Variants in RPS6KC1 observed in about 807,000 individuals in gnomAD.
The protein encoded by RPS6KC1 is inactive ribosomal protein S6 kinase delta-1.
Under a neutral mutation model 103.8 loss-of-function variants are expected in RPS6KC1, and 54 were observed. That is an observed-to-expected ratio of 0.52 (90% CI 0.42 to 0.65). RPS6KC1 has a LOEUF of 0.65. Ranked by LOEUF, RPS6KC1 falls within the 30% of genes least tolerant of loss-of-function variation. The pLI is 0.00. For synonymous variants in RPS6KC1, 439 were observed against 438.7 expected (o/e 1.00, Z -0.01); for missense variants, 1,151 against 1,253.8 (o/e 0.92, Z 1.24).
At chr1:213,126,316 C>CA (rs1467714192) in intron 5 of RPS6KC1, among the ~76,000 whole-genome samples, 2 of 151,996 alleles carry the variant, frequency 1.3e-5, no homozygotes, top group African/African-American at 4.8e-5. Flanking sequence ...GCTGAAATGT[C>CA]AGAGGACTGA....
the RPS6KC1 span, among the ~76,000 whole-genome samples, chr1:213,705,484 A>G: frequency 1.4e-4 from 22 of 152,262 alleles, no homozygotes; most frequent in African/African-American, 5.3e-4. Context: ...GCTTGTGGTG[A>G]ATGCTGCCTG....
the RPS6KC1 span, among the ~76,000 whole-genome samples, chr1:213,369,593 G>T: frequency 1.8e-3 from 276 of 152,360 alleles, 1 homozygote; most frequent in Admixed American, 3.5e-3. Context: ...CTGAACCTGC[G>T]TGGTGTCAGT....
chr1:213,446,704 T>C, the RPS6KC1 span, among the ~76,000 whole-genome samples: 1 of 152,286 alleles, frequency 6.6e-6, no homozygotes, highest in South Asian at 2.1e-4. Flanking sequence ...ATAGGAGAGT[T>C]ATGAGGATGA....
chr1:213,766,893 C>T, the RPS6KC1 span, among the ~76,000 whole-genome samples: 5 of 152,138 alleles, frequency 3.3e-5, no homozygotes, highest in Non-Finnish European at 5.9e-5. Context: ...CATTTTCTTT[C>T]AAAAATGGCC....
At chr1:213,239,656 G>A (rs1212603703) in intron 10 of RPS6KC1, among the ~76,000 whole-genome samples, 1 of 152,126 alleles carries the variant, frequency 6.6e-6, no homozygotes, top group Non-Finnish European at 1.5e-5. Flanking sequence ...CTGAAAAATT[G>A]TCTTCTTTAT....
rs2149202437 is a variant in RPS6KC1, at chr1:213,273,970, G to A, written c.*1336G>A. 1 of 152,186 alleles carries A rather than the reference G, an allele frequency of 6.6e-6. No homozygotes were observed. The highest frequency in any genetic ancestry group is 1.9e-4 in the East Asian group (1 of 5,176). 9.4% of individuals were successfully genotyped at this position (152,186 alleles called of 1,614,324 possible). On this transcript the variant is annotated 3_prime_UTR_variant, in exon 15 of 15. Transcript: ENST00000366960. The stretch of plus-strand genomic sequence containing the variant: ...GTGTGAGAGCCCAACCCCACTCCAG[G>A]AGCATCTGTACAGCTTCCATCTGCC...
In RPS6KC1 at chr1:213,117,369, C is replaced by G; in HGVS notation, c.431C>G (p.Ser144Ter). 2 of 1,610,762 alleles carry G rather than the reference C, an allele frequency of 1.2e-6. No individual in the cohort carries two copies. The highest frequency in any genetic ancestry group is 1.7e-6 in the Non-Finnish European group (2 of 1,177,402). ...TTAATTGGTCCTGCTGAAGCTCACT[C>G]AGATTCCCTCATTGATACCTTTCCT... ...SELIGPAEAH[S>*]DSLIDTFPEC... The change falls in exon 5 of 15, where the codon TCA becomes TGA. Residue 144 changes from serine to a stop codon, truncating the protein, a stop_gained. Coordinates refer to ENST00000366960, the MANE Select transcript of RPS6KC1 (RefSeq NM_012424.6). LOFTEE classifies it high-confidence loss of function.
At chr1:213,538,411 C>G in the RPS6KC1 span, among the ~76,000 whole-genome samples, 1 of 152,010 alleles carries the variant, frequency 6.6e-6, no homozygotes, top group African/African-American at 2.4e-5. Context: ...TTGAGGAAGA[C>G]AGGAAAAAAG....
chr1:213,541,762 T>C, the RPS6KC1 span, among the ~76,000 whole-genome samples: 1 of 152,188 alleles, frequency 6.6e-6, no homozygotes, highest in Non-Finnish European at 1.5e-5. Flanking sequence ...TATGACCCAT[T>C]GCACAAGCTG....
At chr1:213,854,380 C>G in the RPS6KC1 span, among the ~76,000 whole-genome samples, 401 of 152,332 alleles carry the variant, frequency 2.6e-3, 4 homozygotes, top group African/African-American at 9.3e-3. Context: ...GCAAATTCCC[C>G]TGAGTCTAGT....
chr1:213,333,400 A>G, the RPS6KC1 span, among the ~76,000 whole-genome samples: 1 of 152,182 alleles, frequency 6.6e-6, no homozygotes, highest in Non-Finnish European at 1.5e-5. Context: ...AGACTTACCC[A>G]TGTGGTGATT....
rs1179237726 is a variant in RPS6KC1 at position 213,152,373 on chromosome 1, G to A, written c.836-15485G>A. Reference sequence around the variant, plus strand: ...CCCGGACGGGGCGGCTGATGGGGCGGGGGGCTGACCCCCCCACCTCCCTCC... The same window carrying A: ...CCCGGACGGGGCGGCTGATGGGGCGAGGGGCTGACCCCCCCACCTCCCTCC... On this transcript the variant is annotated intron_variant, in intron 6 of 14. Coordinates refer to ENST00000366960, the MANE Select transcript of RPS6KC1 (RefSeq NM_012424.6). 1.4e-5 allele frequency among the ~76,000 whole-genome samples: 2 copies of A among 145,156 alleles called. 1 individual carries two copies. Among genetic ancestry groups the A allele is most frequent in the Non-Finnish European group, 3.1e-5 (2 of 63,992 alleles).
chr1:213,481,714 A>G, the RPS6KC1 span, among the ~76,000 whole-genome samples: 1 of 152,172 alleles, frequency 6.6e-6, no homozygotes, highest in Admixed American at 6.5e-5. Context: ...TGCTGTTGCT[A>G]ATTTTTAAAA....
chr1:213,281,255 T>C, the RPS6KC1 span, among the ~76,000 whole-genome samples: 139,919 of 152,324 alleles, frequency 0.92, 64,421 homozygotes, highest in Non-Finnish European at 0.95. Flanking sequence ...TATACCTGTC[T>C]TTCAAGTGTA....
the RPS6KC1 span, among the ~76,000 whole-genome samples, chr1:213,715,708 T>G: frequency 6.6e-6 from 1 of 152,232 alleles, no homozygotes; most frequent in Non-Finnish European, 1.5e-5. Flanking sequence ...ATCCCAGTAA[T>G]GCAATTGGAT....
At chr1:213,352,551 A>G in the RPS6KC1 span, among the ~76,000 whole-genome samples, 1 of 152,176 alleles carries the variant, frequency 6.6e-6, no homozygotes, top group Non-Finnish European at 1.5e-5. Context: ...TTCCCAAGAA[A>G]TTAGATGAAG....
the RPS6KC1 span, among the ~76,000 whole-genome samples, chr1:213,511,216 G>T: frequency 1.5e-4 from 22 of 151,640 alleles, no homozygotes; most frequent in African/African-American, 4.6e-4. Flanking sequence ...TGGCTCACTA[G>T]CCTGACACAA....
chr1:213,848,770 A>AT, the RPS6KC1 span, among the ~76,000 whole-genome samples: 12 of 151,948 alleles, frequency 7.9e-5, no homozygotes, highest in African/African-American at 1.4e-4. Flanking sequence ...TTTCTTTTTG[A>AT]TTTTTTTTAT....
chr1:213,717,919 C>T, the RPS6KC1 span, among the ~76,000 whole-genome samples: 2 of 152,094 alleles, frequency 1.3e-5, no homozygotes, highest in Non-Finnish European at 2.9e-5. Flanking sequence ...ATGGATTTCC[C>T]AGAGACCCTA....
Sources: allele counts gnomAD v4.1 joint callset (sites outside exome capture counted in the v4.1 genomes callset), GRCh38; gene constraint gnomAD v4.1.1; transcripts MANE v1.5; gene names NCBI Gene and HGNC (gene_info 2026-07-23, HGNC 2026-07-21).